Variants in TENM1 observed in about 807,000 individuals in gnomAD.
TENM1 encodes the protein teneurin transmembrane protein 1, also known as teneurin-1.
Under a neutral mutation model 174.8 loss-of-function variants are expected in TENM1, and 35 were observed. The observed-to-expected ratio is 0.20, with a 90% CI of 0.15 to 0.27. The LOEUF is 0.27. Among genes scored for constraint, TENM1 ranks in the 10% least tolerant of loss-of-function variants. TENM1 has a pLI of 1.00. For synonymous variants in TENM1, 781 were observed against 798.7 expected, an observed-to-expected ratio of 0.98 and a Z score of 0.37; for missense variants, 1,633 against 2,130.1, an observed-to-expected ratio of 0.77 and a Z score of 4.59.
chrX:124,760,965 C>T (rs1446075934), intron 3 of TENM1, among the ~76,000 whole-genome samples: 3 of 112,003 alleles, frequency 2.7e-5, no homozygotes, highest in Admixed American at 9.4e-5. Context: ...CACTGGTCAT[C>T]GGAGAAATGC....
At chrX:124,380,030 T>C (rs2060139495) in exon 32 of TENM1, 1 of 112,794 alleles carries the variant, frequency 8.9e-6, no homozygotes, top group African/African-American at 3.2e-5. Flanking sequence ...CTCTAGGAGA[T>C]GGTGGCTGAA....
the TENM1 span, among the ~76,000 whole-genome samples, chrX:125,158,528 C>T: frequency 9.1e-6 from 1 of 110,011 alleles, no homozygotes; most frequent in Non-Finnish European, 1.9e-5. Context: ...CATGGTTATC[C>T]ACATGATATC....
chrX:124,748,159 C>T (rs899257504), intron 3 of TENM1, among the ~76,000 whole-genome samples: 1 of 111,236 alleles, frequency 9.0e-6, no homozygotes, highest in African/African-American at 3.3e-5. Flanking sequence ...GCCATTGTCA[C>T]TTAGGCTTAC....
At chrX:125,093,463 T>C in the TENM1 span, among the ~76,000 whole-genome samples, 1 of 112,222 alleles carries the variant, frequency 8.9e-6, no homozygotes, top group African/African-American at 3.2e-5. Flanking sequence ...GTAAATATTA[T>C]AGATAGGATG....
chrX:124,916,150 C>T (rs1048733758), intron 1 of TENM1, among the ~76,000 whole-genome samples: 2 of 111,462 alleles, frequency 1.8e-5, no homozygotes, highest in African/African-American at 6.5e-5. Context: ...ATTGTTTTAC[C>T]CCCATTTTAG....
chrX:124,573,525 A>T (rs1260410490), intron 11 of TENM1, among the ~76,000 whole-genome samples: 2 of 112,094 alleles, frequency 1.8e-5, no homozygotes, highest in Non-Finnish European at 3.8e-5. Context: ...GAATCAGTAA[A>T]AAACAACTGT....
intron 5 of TENM1, among the ~76,000 whole-genome samples, chrX:124,699,915 G>A (rs763059790): frequency 1.8e-5 from 2 of 111,533 alleles, no homozygotes; most frequent in African/African-American, 6.5e-5. Flanking sequence ...TTCATGAATA[G>A]GAGGAAAAGT....
the TENM1 span, among the ~76,000 whole-genome samples, chrX:125,113,836 A>G: frequency 9.0e-6 from 1 of 110,880 alleles, no homozygotes; most frequent in Admixed American, 9.6e-5. Flanking sequence ...CCCACTGTCA[A>G]TATTAGACAG....
At chrX:124,675,672 A>G (rs1376759031) in intron 5 of TENM1, among the ~76,000 whole-genome samples, 1 of 107,536 alleles carries the variant, frequency 9.3e-6, no homozygotes, top group Non-Finnish European at 1.9e-5. Flanking sequence ...CAGAACTTAC[A>G]TGAGAGGGTA....
At chrX:124,846,358 G>A (rs946737181) in intron 3 of TENM1, among the ~76,000 whole-genome samples, 36 of 111,194 alleles carry the variant, frequency 3.2e-4, no homozygotes, top group African/African-American at 1.1e-3. Context: ...AAGGAACAAG[G>A]ATATTTCCAA....
intron 23 of TENM1, among the ~76,000 whole-genome samples, chrX:124,436,545 G>A (rs1434076861): frequency 9.2e-6 from 1 of 108,440 alleles, no homozygotes; most frequent in Non-Finnish European, 1.9e-5. Context: ...CCAGGCTGGA[G>A]TGCAGTGGCA....
chrX:125,135,452 A>AC, the TENM1 span, among the ~76,000 whole-genome samples: 27,239 of 111,145 alleles, frequency 0.25, 2,843 homozygotes, highest in African/African-American at 0.38. Context: ...TTTTAGATTA[A>AC]CAGGATGACT....
chrX:124,777,257 A>C (rs1471158749), intron 3 of TENM1, among the ~76,000 whole-genome samples: 3 of 111,719 alleles, frequency 2.7e-5, no homozygotes, highest in Non-Finnish European at 5.6e-5. Context: ...TGTTAGCTTG[A>C]GATCAGTGTT....
intron 3 of TENM1, among the ~76,000 whole-genome samples, chrX:124,867,673 T>G (rs1481844458): frequency 8.9e-6 from 1 of 111,910 alleles, no homozygotes; most frequent in Non-Finnish European, 1.9e-5. Flanking sequence ...AAAGGACACC[T>G]AAATTGGAAA....
At chrX:125,103,529 A>G in the TENM1 span, among the ~76,000 whole-genome samples, 1 of 111,491 alleles carries the variant, frequency 9.0e-6, no homozygotes, top group Non-Finnish European at 1.9e-5. Flanking sequence ...GACAATTCCA[A>G]CAAGCAACTA....
chrX:124,561,161 A>G (rs776176804), intron 14 of TENM1, among the ~76,000 whole-genome samples: 1 of 112,506 alleles, frequency 8.9e-6, no homozygotes, highest in Non-Finnish European at 1.9e-5. Flanking sequence ...ATATTTTAGC[A>G]TGTCTAGTGC....
chrX:124,661,075 C>A (rs1187131034), intron 6 of TENM1, among the ~76,000 whole-genome samples: 2 of 111,325 alleles, frequency 1.8e-5, no homozygotes, highest in Non-Finnish European at 3.8e-5. Context: ...TGATACATTG[C>A]TGTATATTAT....
At chrX:124,955,429 G>C (rs1454286971) in intron 1 of TENM1, among the ~76,000 whole-genome samples, 1 of 110,793 alleles carries the variant, frequency 9.0e-6, no homozygotes, top group East Asian at 2.8e-4. Context: ...TCTATTATTT[G>C]ACAATATTAG....
chrX:125,030,934 G>A, the TENM1 span, among the ~76,000 whole-genome samples: 1 of 111,022 alleles, frequency 9.0e-6, no homozygotes, highest in Non-Finnish European at 1.9e-5. Flanking sequence ...TAGAAATCTT[G>A]CATTAGTATA....
Sources: allele counts gnomAD v4.1 joint callset (sites outside exome capture counted in the v4.1 genomes callset), GRCh38; gene constraint gnomAD v4.1.1; transcripts MANE v1.5; gene names NCBI Gene and HGNC (gene_info 2026-07-23, HGNC 2026-07-21).